The following ATP2B2 variants were observed in gnomAD, a reference collection of about 807,000 sequenced individuals.
ATP2B2 encodes the protein plasma membrane calcium-transporting ATPase 2.
ATP2B2 carries 15 observed loss-of-function variants against 120.0 expected under a neutral mutation model. The ratio of observed to expected loss-of-function variants is 0.12; its 90% confidence interval spans 0.08 to 0.19. The LOEUF (loss-of-function observed/expected upper bound fraction) is 0.19. Among genes scored for constraint, ATP2B2 ranks in the 10% least tolerant of loss-of-function variants. The pLI is 1.00. For missense variants in ATP2B2, 1,045 were observed against 1,719.8 expected (o/e 0.61, Z 6.94); for synonymous variants, 694 against 700.3 (o/e 0.99, Z 0.14).
At chr3:10,392,015 C>G (rs56246256) in intron 5 of ATP2B2, among the ~76,000 whole-genome samples, 1 of 152,004 alleles carries the variant, frequency 6.6e-6, no homozygotes. Context: ...GATGAATGCC[C>G]TTCTCCTTGG....
intron 3 of ATP2B2, among the ~76,000 whole-genome samples, chr3:10,515,319 C>G (rs910013014): frequency 1.3e-5 from 2 of 152,154 alleles, no homozygotes; most frequent in African/African-American, 4.8e-5. Flanking sequence ...GTCTAGCTTG[C>G]TTTTTCATCT....
intron 5 of ATP2B2, among the ~76,000 whole-genome samples, chr3:10,391,687 A>G (rs759800950): frequency 8.5e-5 from 13 of 152,068 alleles, no homozygotes; most frequent in Non-Finnish European, 1.5e-4. Context: ...AGGGCAGGGG[A>G]GACGGGGCAT....
At chr3:10,625,123 C>G (rs1460743825) in intron 1 of ATP2B2, among the ~76,000 whole-genome samples, 3 of 152,212 alleles carry the variant, frequency 2.0e-5, no homozygotes, top group Admixed American at 2.0e-4. Flanking sequence ...CCCAGAAACT[C>G]AGAGGTGAGG....
intron 1 of ATP2B2, among the ~76,000 whole-genome samples, chr3:10,682,108 C>G (rs144389892): frequency 3.5e-4 from 53 of 152,294 alleles, no homozygotes; most frequent in Admixed American, 1.1e-3. Context: ...ATTCAAATCC[C>G]TTGTTCTTTC....
intron 2 of ATP2B2, among the ~76,000 whole-genome samples, chr3:10,425,011 C>T (rs1258626677): frequency 1.3e-5 from 2 of 152,056 alleles, no homozygotes; most frequent in South Asian, 2.1e-4. Flanking sequence ...TTAATTTTGG[C>T]TGGGCACGGT....
At chr3:10,398,139 C>A (rs1358280602) in intron 5 of ATP2B2, among the ~76,000 whole-genome samples, 3 of 152,132 alleles carry the variant, frequency 2.0e-5, no homozygotes, top group Non-Finnish European at 4.4e-5. Flanking sequence ...TGCTTGTGGG[C>A]TCTGAGAGAC....
intron 1 of ATP2B2, among the ~76,000 whole-genome samples, chr3:10,504,795 G>C (rs1172304003): frequency 6.6e-6 from 1 of 152,122 alleles, no homozygotes; most frequent in Non-Finnish European, 1.5e-5. Context: ...TCTGGGCAGA[G>C]GGTGCCGACT....
At chr3:10,373,046 G>T (rs889721824) in intron 11 of ATP2B2, among the ~76,000 whole-genome samples, 10 of 152,180 alleles carry the variant, frequency 6.6e-5, no homozygotes, top group African/African-American at 2.4e-4. Context: ...TACTAAAAAT[G>T]AGTATTAGTA....
At chr3:10,632,463 A>G (rs2069894163) in intron 1 of ATP2B2, among the ~76,000 whole-genome samples, 1 of 152,198 alleles carries the variant, frequency 6.6e-6, no homozygotes, top group Non-Finnish European at 1.5e-5. Context: ...CCTACACTGT[A>G]TGTGTTTGTT....
rs2061463488 is a variant in ATP2B2, at chr3:10,379,229, A to C, written c.1042+14T>G. The stretch of plus-strand genomic sequence containing the variant: ...CTCAGGGACGACAAACGCCGGTTAA[A>C]ACAAAAGGGTTACCTTTGCTCTGGC... On this transcript the variant is annotated intron_variant, in intron 9 of 22. Coordinates refer to ENST00000360273, the MANE Select transcript of ATP2B2 (RefSeq NM_001001331.4). The C allele has an allele frequency of 6.2e-7, 1 of 1,613,708 alleles. No homozygotes were observed. Among genetic ancestry groups the C allele is most frequent in the South Asian group, 1.1e-5 (1 of 90,994 alleles).
chr3:10,413,623 C>A (rs1210857634), intron 2 of ATP2B2, among the ~76,000 whole-genome samples: 2 of 152,196 alleles, frequency 1.3e-5, no homozygotes. Context: ...CTGGGAGATC[C>A]ATGTACAGAG....
intron 1 of ATP2B2, among the ~76,000 whole-genome samples, chr3:10,495,561 G>GC (rs1478136938): frequency 1.3e-5 from 2 of 152,202 alleles, no homozygotes; most frequent in African/African-American, 2.4e-5. Flanking sequence ...CTGTAGTGAA[G>GC]CCCACTGTAG....
chr3:10,685,422 G>C (rs762734803), intron 1 of ATP2B2, among the ~76,000 whole-genome samples: 1 of 152,180 alleles, frequency 6.6e-6, no homozygotes, highest in African/African-American at 2.4e-5. Flanking sequence ...TGGGTGTTCC[G>C]TGGGGACTCC....
chr3:10,601,392 G>A (rs532899468), intron 2 of ATP2B2, among the ~76,000 whole-genome samples: 24 of 152,298 alleles, frequency 1.6e-4, no homozygotes, highest in African/African-American at 5.5e-4. Flanking sequence ...CCCCTGAGTG[G>A]AGGAATAACA....
At chr3:10,577,872 C>T (rs2068290572) in intron 2 of ATP2B2, among the ~76,000 whole-genome samples, 1 of 152,220 alleles carries the variant, frequency 6.6e-6, no homozygotes, top group African/African-American at 2.4e-5. Flanking sequence ...TGGTCCAACA[C>T]TGCTGCTGAT....
chr3:10,477,602 G>A (rs2065253651), intron 1 of ATP2B2, among the ~76,000 whole-genome samples: 1 of 152,114 alleles, frequency 6.6e-6, no homozygotes, highest in Non-Finnish European at 1.5e-5. Context: ...CTGTTTCTAT[G>A]AGTTTGACTA....
intron 22 of ATP2B2, among the ~76,000 whole-genome samples, chr3:10,330,521 G>A (rs550069252): frequency 6.6e-6 from 1 of 152,378 alleles, no homozygotes; most frequent in South Asian, 2.1e-4. Flanking sequence ...AACTCGGAGT[G>A]GAGTCAGAGG....
intron 2 of ATP2B2, among the ~76,000 whole-genome samples, chr3:10,568,897 A>C (rs1317610835): frequency 6.6e-6 from 1 of 152,224 alleles, no homozygotes; most frequent in Non-Finnish European, 1.5e-5. Context: ...GGCAAAATAA[A>C]ACCCTACCAG....
At chr3:10,693,046 A>C (rs1360988132) in intron 1 of ATP2B2, among the ~76,000 whole-genome samples, 3 of 152,206 alleles carry the variant, frequency 2.0e-5, no homozygotes, top group Non-Finnish European at 4.4e-5. Flanking sequence ...ATTTTCTTCC[A>C]GACAGGATTG....
Sources: allele counts gnomAD v4.1 joint callset (sites outside exome capture counted in the v4.1 genomes callset), GRCh38; gene constraint gnomAD v4.1.1; transcripts MANE v1.5; gene names NCBI Gene and HGNC (gene_info 2026-07-23, HGNC 2026-07-21).